Variants in DYRK3 observed in about 807,000 individuals in gnomAD.
DYRK3 encodes the protein dual specificity tyrosine phosphorylation regulated kinase 3.
Under a neutral mutation model 40.8 loss-of-function variants are expected in DYRK3, and 30 were observed. That is an observed-to-expected ratio of 0.74 (90% CI 0.55 to 1.00). The LOEUF (loss-of-function observed/expected upper bound fraction) is 1.00, where lower values mean the gene tolerates loss of function less well. Among genes scored for constraint, DYRK3 ranks in the 50% least tolerant of loss-of-function variants. The pLI is 0.00. For synonymous variants in DYRK3, 272 were observed against 260.7 expected, an observed-to-expected ratio of 1.04 and a Z score of -0.42; for missense variants, 699 against 731.5, an observed-to-expected ratio of 0.96 and a Z score of 0.51.
intron 2 of DYRK3, among the ~76,000 whole-genome samples, chr1:206,646,341 A>T (rs1217957893): frequency 6.6e-6 from 1 of 152,114 alleles, no homozygotes; most frequent in Non-Finnish European, 1.5e-5. Flanking sequence ...ATCTTATTTC[A>T]AAAAACCTTG....
chr1:206,637,809 G>A (rs1671161446), intron 2 of DYRK3, 48 bp downstream of exon 2: 1 of 1,473,066 alleles, frequency 6.8e-7, no homozygotes, highest in South Asian at 1.1e-5. Context: ...TTGGAAAGGA[G>A]GAAGTGCTAC....
chr1:206,645,640 A>G (rs1195797398), intron 2 of DYRK3, among the ~76,000 whole-genome samples: 2 of 150,616 alleles, frequency 1.3e-5, no homozygotes, highest in African/African-American at 4.9e-5. Context: ...CAGCCTCCCA[A>G]GTAGCTGGGA....
chr1:206,642,956 A>T (rs1276358443), intron 2 of DYRK3, among the ~76,000 whole-genome samples: 12 of 151,864 alleles, frequency 7.9e-5, no homozygotes, highest in East Asian at 7.7e-4. Context: ...ATAATAATAA[A>T]AAAGATAACC....
At position 206,648,201 on chromosome 1, in the gene DYRK3, G is replaced by A. The variant is rs1454132363; in HGVS notation, c.1003G>A (p.Asp335Asn). 5 of 1,614,122 alleles carry A rather than the reference G, an allele frequency of 3.1e-6. No homozygotes were observed. Among genetic ancestry groups the A allele is most frequent in the African/African-American group, 2.7e-5 (2 of 75,014 alleles). Residue 335 changes from aspartate (D) to asparagine (N), a missense_variant, in exon 3 of 3, where the codon GAT (aspartate) becomes AAT (asparagine). By Grantham distance (23) the Asp-to-Asn change is conservative. Transcript: ENST00000367109. The part of the protein sequence containing the change: ...ALHKNKIIHC[D>N]LKPENILLKH... ...CCACAAAAATAAGATTATTCACTGC[G>A]ATCTGAAGCCAGAAAACATTCTCCT...
intron 2 of DYRK3, among the ~76,000 whole-genome samples, chr1:206,642,696 A>G (rs574436963): frequency 1.9e-4 from 29 of 152,110 alleles, no homozygotes; most frequent in Non-Finnish European, 1.9e-4. Context: ...CAAACACCAC[A>G]TGTTCTCACT....
intron 1 of DYRK3, among the ~76,000 whole-genome samples, chr1:206,636,721 TTGTTATATTCA>T (rs1671122863): frequency 1.3e-5 from 2 of 152,238 alleles, no homozygotes; most frequent in African/African-American, 4.8e-5. Flanking sequence ...AACATCATCA[TTGTTATATTCA>T]TAGTGTATCA....
intron 2 of DYRK3, among the ~76,000 whole-genome samples, chr1:206,643,879 AT>A (rs781951509): frequency 1.4e-4 from 22 of 152,280 alleles, no homozygotes; most frequent in Middle Eastern, 6.8e-3. Flanking sequence ...ATTTTGCTGA[AT>A]TGTAACCAGT....
rs1671708250 is a variant in DYRK3 at position 206,654,664 on chromosome 1, C to A, written c.*5699C>A. ...TCTGTCAAATTATGCTGGCTAATTTCAATGAGAAAAGATTTTAGAGTCACA... is the reference window on the plus strand; with the variant it reads ...TCTGTCAAATTATGCTGGCTAATTTAAATGAGAAAAGATTTTAGAGTCACA... On this transcript the variant is annotated 3_prime_UTR_variant, in exon 3 of 3. Transcript: ENST00000367109. 6.6e-6 allele frequency among the ~76,000 whole-genome samples: 1 copy of A among 152,098 alleles called. No individual in the cohort carries two copies. Among genetic ancestry groups the A allele is most frequent in the African/African-American group, 2.4e-5 (1 of 41,414 alleles).
chr1:206,639,924 A>G (rs1316888782), intron 2 of DYRK3, among the ~76,000 whole-genome samples: 1 of 122,594 alleles, frequency 8.2e-6, no homozygotes, highest in African/African-American at 3.1e-5. Context: ...CTCATTACTC[A>G]TTTCTTTTTT....
rs1671562705 is a variant in DYRK3, at chr1:206,649,170, A to T, written c.*205A>T. ...CTTGTATTGGCCATCTGGAATATGCATTAAATGACTTTTTATAGGTCAATG... is the reference window on the plus strand; with the variant it reads ...CTTGTATTGGCCATCTGGAATATGCTTTAAATGACTTTTTATAGGTCAATG... On this transcript the variant is annotated 3_prime_UTR_variant, in exon 3 of 3. Transcript: ENST00000367109. The T allele has an allele frequency of 1.9e-6, 1 of 537,328 alleles. No individual in the cohort carries two copies. The highest frequency in any genetic ancestry group is 1.9e-5 in the African/African-American group (1 of 52,474). The allele number at this position is 537,328 out of a possible 1,614,324, so 33.3% of individuals were successfully genotyped here.
At position 206,647,619 on chromosome 1, in the gene DYRK3, C is replaced by G. The variant is rs1553420351; in HGVS notation, c.421C>G (p.Leu141Val). ...ATCCAAGGCACCCAAAGTGGTGCCTCTGACTCCAGAACAAGCCCTGAAGCA... is the reference window on the plus strand; with the variant it reads ...ATCCAAGGCACCCAAAGTGGTGCCTGTGACTCCAGAACAAGCCCTGAAGCA... Reference protein sequence around the residue: ...SSSKAPKVVPLTPEQALKQYK... With the variant: ...SSSKAPKVVPVTPEQALKQYK... Residue 141 changes from leucine (L) to valine (V), a missense_variant, in exon 3 of 3, where the codon CTG (leucine) becomes GTG (valine). Leu to Val is a conservative substitution (Grantham distance 32). Transcript: ENST00000367109. The G allele has an allele frequency of 1.2e-6, 2 of 1,614,084 alleles. No individual in the cohort carries two copies. The highest frequency in any genetic ancestry group is 1.7e-5 in the Admixed American group (1 of 59,994).
chr1:206,648,075 A>G lies in DYRK3; in HGVS notation c.877A>G (p.Ile293Val), dbSNP rs782034506. Residue 293 changes from isoleucine to valine, a missense_variant, in exon 3 of 3, where the codon ATA becomes GTA. Ile to Val is a conservative substitution (Grantham distance 29). Transcript: ENST00000367109. ...HVCMAFELLS[I>V]DLYELIKKNK... Reference sequence around the variant, plus strand: ...TTGCATGGCCTTTGAATTGCTGAGCATAGACCTTTATGAGCTGATTAAAAA... The same window carrying G: ...TTGCATGGCCTTTGAATTGCTGAGCGTAGACCTTTATGAGCTGATTAAAAA... 3.3e-5 allele frequency: 53 copies of G among 1,614,186 alleles called. No homozygotes were observed. The highest frequency in any genetic ancestry group is 3.3e-4 in the Middle Eastern group (2 of 6,062).
rs782635938 is a variant in DYRK3 at position 206,648,802 on chromosome 1, A to G, written c.1604A>G (p.Lys535Arg). 4 of 1,614,092 alleles carry G rather than the reference A, an allele frequency of 2.5e-6. No individual in the cohort carries two copies. The South Asian group carries it at 4.4e-5, about 18-fold the overall frequency. The change falls in exon 3 of 3, where the codon AAG becomes AGG. Residue 535 changes from lysine to arginine, a missense_variant. Transcript: ENST00000367109. ...SVPRPLTTID[K>R]VSGKRVVNPA... ...CCCAGACCTCTCACCACCATAGACA[A>G]GGTGTCAGGGAAACGGGTAGTTAAT...
At chr1:206,641,541 T>A (rs1553419358) in intron 2 of DYRK3, among the ~76,000 whole-genome samples, 1 of 150,456 alleles carries the variant, frequency 6.6e-6, no homozygotes, top group African/African-American at 2.5e-5. Flanking sequence ...GTTTAATATG[T>A]GTGAACACTG....
Position 206,651,295 on chromosome 1 carries a change from C to G in DYRK3, c.*2330C>G, listed in dbSNP as rs1553421283. The stretch of plus-strand genomic sequence containing the variant: ...TCTTTGGAAGTTGGTAGTCCAATGT[C>G]TGCTTCCCCGCATTAACCACATTGC... On this transcript the variant is annotated 3_prime_UTR_variant, in exon 3 of 3. Transcript: ENST00000367109. Among the ~76,000 whole-genome samples, 1 of 152,224 alleles carries G rather than the reference C, an allele frequency of 6.6e-6. No individual in the cohort carries two copies. The highest frequency in any genetic ancestry group is 6.5e-5 in the Admixed American group (1 of 15,282).
chr1:206,648,458 C>A lies in DYRK3; in HGVS notation c.1260C>A (p.Cys420Ter). The A allele has an allele frequency of 6.2e-7, 1 of 1,614,194 alleles. No homozygotes were observed. Among genetic ancestry groups the A allele is most frequent in the Non-Finnish European group, 8.5e-7 (1 of 1,180,030 alleles). The change falls in exon 3 of 3, where the codon TGC becomes TGA. Residue 420 changes from cysteine (C) to a stop codon, truncating the protein, a stop_gained. Transcript: ENST00000367109. LOFTEE classifies it high-confidence loss of function. ...AGGATGAAGGAGACCAGTTGGCCTG[C>A]ATGATGGAGCTTCTAGGGATGCCAC... ...PGEDEGDQLA[C>*]MMELLGMPPP...
chr1:206,639,871 C>T (rs953476200), intron 2 of DYRK3, among the ~76,000 whole-genome samples: 4 of 150,160 alleles, frequency 2.7e-5, no homozygotes, highest in Non-Finnish European at 5.9e-5. Context: ...TGGTGTTAGG[C>T]ATGACAGTTT....
chr1:206,642,504 C>A (rs1671319965), intron 2 of DYRK3, among the ~76,000 whole-genome samples: 1 of 152,162 alleles, frequency 6.6e-6, no homozygotes, highest in African/African-American at 2.4e-5. Context: ...GCACTATTCA[C>A]AATAGCAAAG....
At position 206,654,871 on chromosome 1, in the gene DYRK3, C is replaced by T. The variant is rs546657028; in HGVS notation, c.*5906C>T. Among the ~76,000 whole-genome samples the T allele has an allele frequency of 6.6e-6, 1 of 152,298 alleles. No homozygotes were observed. Among genetic ancestry groups the T allele is most frequent in the Admixed American group, 6.5e-5 (1 of 15,300 alleles). On this transcript the variant is annotated 3_prime_UTR_variant, in exon 3 of 3. Coordinates refer to ENST00000367109, the MANE Select transcript of DYRK3 (RefSeq NM_003582.4). ...TAATATTTTTCTATAACAGGAGAAG[C>T]CTCCCTGACTGGAGACTAGAGTCTC...
Sources: allele counts gnomAD v4.1 joint callset (sites outside exome capture counted in the v4.1 genomes callset), GRCh38; gene constraint gnomAD v4.1.1; transcripts MANE v1.5; gene names NCBI Gene and HGNC (gene_info 2026-07-23, HGNC 2026-07-21).